CHD2: variants seen among roughly 807,000 people sequenced by gnomAD.
The protein encoded by CHD2 is chromodomain helicase DNA binding protein 2.
In CHD2, 28 loss-of-function variants were observed where a neutral mutation model predicts 243.9. The ratio of observed to expected loss-of-function variants is 0.11; its 90% CI spans 0.09 to 0.16. CHD2 has a LOEUF of 0.16. Among genes scored for constraint, CHD2 ranks in the 10% least tolerant of loss-of-function variants. The probability of loss-of-function intolerance (pLI) is 1.00; values close to 1 mark genes in which losing one functional copy is unlikely to be tolerated. For missense variants in CHD2, 1,386 were observed against 2,209.8 expected (o/e 0.63, Z 7.47); for synonymous variants, 775 against 779.0 (o/e 0.99, Z 0.09).
At chr15:92,923,161 G>A (rs2052991406) in intron 2 of CHD2, among the ~76,000 whole-genome samples, 1 of 152,190 alleles carries the variant, frequency 6.6e-6, no homozygotes, top group Admixed American at 6.5e-5. Flanking sequence ...TTTTTATAAA[G>A]CTCCTCAGAT....
rs572734803 is a variant in CHD2 at position 93,013,510 on chromosome 15, A to T, written c.4692+1066A>T. Among the ~76,000 whole-genome samples, 7 of 152,364 alleles carry T rather than the reference A, an allele frequency of 4.6e-5. No individual in the cohort carries two copies. In the Middle Eastern group the frequency reaches 0.01, roughly 222 times the overall value. The stretch of plus-strand genomic sequence containing the variant: ...GTATACATTGTCACAACCTTTCTGG[A>T]GGAGAATTCAGCAAGATTTATTAAA... On this transcript the variant is annotated intron_variant, in intron 36 of 38. Coordinates refer to ENST00000394196, the MANE Select transcript of CHD2 (RefSeq NM_001271.4).
intron 5 of CHD2, among the ~76,000 whole-genome samples, chr15:92,933,018 T>C (rs1044630969): frequency 6.7e-6 from 1 of 150,164 alleles, no homozygotes; most frequent in Admixed American, 6.7e-5. Flanking sequence ...GCTGGGCTTA[T>C]AAGATGAGCC....
chr15:93,014,261 T>A (rs943404955), intron 36 of CHD2, among the ~76,000 whole-genome samples: 1 of 152,218 alleles, frequency 6.6e-6, no homozygotes, highest in Non-Finnish European at 1.5e-5. Context: ...GTAATGTTAC[T>A]CCAACATTCA....
intron 2 of CHD2, among the ~76,000 whole-genome samples, chr15:92,907,072 A>G (rs1437550224): frequency 6.6e-6 from 1 of 152,208 alleles, no homozygotes; most frequent in Admixed American, 6.5e-5. Flanking sequence ...CATTACTCAC[A>G]TTTGTCTTAT....
At chr15:92,930,227 T>C (rs2053140388) in intron 5 of CHD2, among the ~76,000 whole-genome samples, 2 of 152,226 alleles carry the variant, frequency 1.3e-5, no homozygotes, top group Admixed American at 6.5e-5. Context: ...GATTACACCC[T>C]GGGAAATCCA....
chr15:92,977,156 GTTTATC>G (rs928232391), intron 20 of CHD2, among the ~76,000 whole-genome samples: 5 of 152,088 alleles, frequency 3.3e-5, no homozygotes, highest in Non-Finnish European at 7.4e-5. Flanking sequence ...ATTGTCCACT[GTTTATC>G]TTTAGACTTC....
At chr15:92,953,709 G>A in intron 14 of CHD2, 136 bp downstream of exon 14, 3 of 774,144 alleles carry the variant, frequency 3.9e-6, no homozygotes, top group South Asian at 1.9e-5. Flanking sequence ...AATATTAGGA[G>A]GTTTATCTAT....
chr15:92,940,669 T>C (rs1796115746), intron 7 of CHD2, among the ~76,000 whole-genome samples: 1 of 150,894 alleles, frequency 6.6e-6, no homozygotes, highest in Non-Finnish European at 1.5e-5. Flanking sequence ...CCTAGCACTT[T>C]TTCTTACTGT....
chr15:92,954,251 C>G (rs1367236645), intron 14 of CHD2: 10 of 152,200 alleles, frequency 6.6e-5, no homozygotes, highest in African/African-American at 2.4e-4. Context: ...GCATTCTTTC[C>G]TGCTACTGAT....
chr15:93,000,913 G>A (rs1285007585), intron 32 of CHD2, among the ~76,000 whole-genome samples: 1 of 152,224 alleles, frequency 6.6e-6, no homozygotes, highest in Non-Finnish European at 1.5e-5. Flanking sequence ...TTGTCCGCGA[G>A]GCTGGAGTGC....
At chr15:92,927,802 C>T (rs2053090951) in intron 4 of CHD2, among the ~76,000 whole-genome samples, 1 of 152,104 alleles carries the variant, frequency 6.6e-6, no homozygotes, top group African/African-American at 2.4e-5. Context: ...ATTTGGTTTC[C>T]TTGCTCATTT....
At chr15:92,943,733 A>G (rs1318912133) in intron 9 of CHD2, 1 of 153,622 alleles carries the variant, frequency 6.5e-6, no homozygotes, top group South Asian at 2.0e-4. Flanking sequence ...GCCTGAAGAC[A>G]TACCTGTCTG....
chr15:92,963,371 A>G (rs1163371793), intron 16 of CHD2, among the ~76,000 whole-genome samples: 10 of 152,188 alleles, frequency 6.6e-5, no homozygotes, highest in Admixed American at 6.5e-5. Context: ...GATTGTATGC[A>G]TCAGTCTTCT....
intron 15 of CHD2, among the ~76,000 whole-genome samples, chr15:92,955,714 A>G (rs547232276): frequency 6.6e-6 from 1 of 152,368 alleles, no homozygotes; most frequent in Admixed American, 6.5e-5. Context: ...AACAACCAGA[A>G]AAATTACTTT....
intron 9 of CHD2, 163 bp downstream of exon 9, chr15:92,943,231 C>T: frequency 1.6e-6 from 1 of 613,982 alleles, no homozygotes; most frequent in Non-Finnish European, 2.8e-6. Context: ...TTGTGACCTT[C>T]AGATACTATA....
At chr15:93,012,799 A>G (rs774762121) in intron 36 of CHD2, among the ~76,000 whole-genome samples, 2 of 152,182 alleles carry the variant, frequency 1.3e-5, no homozygotes, top group Non-Finnish European at 2.9e-5. Flanking sequence ...TTTCTGGACC[A>G]TCTATTTGGT....
At chr15:92,950,097 G>A (rs1036772242) in intron 13 of CHD2, among the ~76,000 whole-genome samples, 4 of 152,196 alleles carry the variant, frequency 2.6e-5, no homozygotes, top group African/African-American at 9.7e-5. Context: ...TGTAAGCTGG[G>A]AAATGCCTGG....
At chr15:92,924,000 C>T (rs1220050302) in intron 2 of CHD2, among the ~76,000 whole-genome samples, 2 of 152,162 alleles carry the variant, frequency 1.3e-5, no homozygotes. Context: ...GAGTTAAATA[C>T]TTATGAGCCT....
In CHD2 at chr15:93,000,528, G is replaced by A. The variant is rs143503275; in HGVS notation, c.4025G>A (p.Arg1342Gln). 5.7e-5 allele frequency: 91 copies of A among 1,609,370 alleles called. No homozygotes were observed. Among genetic ancestry groups the A allele is most frequent in the Admixed American group, 8.5e-5 (5 of 58,970 alleles). The change falls in exon 32 of 39, where the codon CGG (arginine) becomes CAG (glutamine). Residue 1342 changes from arginine to glutamine, a missense_variant. Physicochemically the swap from Arg to Gln is conservative, Grantham distance 43 (BLOSUM62 1). Transcript: ENST00000394196. ...CTTTTCCAGGCCAAATTAAAGAAGC[G>A]GAAGCCTCGGGTAAAGAAGGAAAAC... ...TGGEEAKLKK[R>Q]KPRVKKENKV...
Sources: allele counts gnomAD v4.1 joint callset (sites outside exome capture counted in the v4.1 genomes callset), GRCh38; gene constraint gnomAD v4.1.1; transcripts MANE v1.5; gene names NCBI Gene and HGNC (gene_info 2026-07-23, HGNC 2026-07-21).